Variants in MSI2 observed in about 807,000 individuals in gnomAD.
The protein encoded by MSI2 is RNA-binding protein Musashi homolog 2.
Under a neutral mutation model 45.6 loss-of-function variants are expected in MSI2, and 17 were observed. The ratio of observed to expected loss-of-function variants is 0.37; its 90% CI spans 0.26 to 0.56. MSI2 has a LOEUF of 0.56. Among genes scored for constraint, MSI2 ranks in the 20% least tolerant of loss-of-function variants. The pLI is 0.77. For synonymous variants in MSI2, 156 were observed against 158.2 expected, an observed-to-expected ratio of 0.99 and a Z score of 0.11; for missense variants, 293 against 444.2, an observed-to-expected ratio of 0.66 and a Z score of 3.06.
intron 5 of MSI2, among the ~76,000 whole-genome samples, chr17:57,297,127 C>A (rs1911032842): frequency 6.6e-6 from 1 of 151,772 alleles, no homozygotes; most frequent in South Asian, 2.1e-4. Context: ...CCCGCCTTGG[C>A]CTCCCAAAGT....
chr17:57,551,554 G>A (rs1462875359), intron 7 of MSI2, among the ~76,000 whole-genome samples: 1 of 152,132 alleles, frequency 6.6e-6, no homozygotes, highest in African/African-American at 2.4e-5. Flanking sequence ...GCTGCATGAC[G>A]TCTGCCGAGC....
chr17:57,533,530 C>T (rs559445514), intron 7 of MSI2, among the ~76,000 whole-genome samples: 1 of 152,310 alleles, frequency 6.6e-6, no homozygotes, highest in Non-Finnish European at 1.5e-5. Context: ...ATGTTTCTGG[C>T]CTTTAGCTTT....
chr17:57,698,895 G>A, the MSI2 span, among the ~76,000 whole-genome samples: 5 of 14,680 alleles, frequency 3.4e-4, no homozygotes, highest in African/African-American at 8.5e-4. Context: ...ACAAGGAAGT[G>A]TGTGTGTGTG....
intron 9 of MSI2, among the ~76,000 whole-genome samples, chr17:57,625,014 A>G (rs1480560670): frequency 6.6e-6 from 1 of 152,116 alleles, no homozygotes; most frequent in African/African-American, 2.4e-5. Context: ...GCTTCCTCAT[A>G]GATGGCCCCT....
chr17:57,493,266 C>T (rs2085912288), intron 6 of MSI2, among the ~76,000 whole-genome samples: 1 of 152,152 alleles, frequency 6.6e-6, no homozygotes, highest in African/African-American at 2.4e-5. Context: ...ATGTCCTTTG[C>T]ATTGTCCGAA....
At chr17:57,374,709 G>A (rs1289059362) in intron 5 of MSI2, among the ~76,000 whole-genome samples, 2 of 152,176 alleles carry the variant, frequency 1.3e-5, no homozygotes, top group Non-Finnish European at 2.9e-5. Flanking sequence ...AACCCAGGAG[G>A]CAGAGGTTGC....
chr17:57,390,702 G>A (rs143975056), intron 5 of MSI2, among the ~76,000 whole-genome samples: 2 of 152,164 alleles, frequency 1.3e-5, no homozygotes, highest in Non-Finnish European at 2.9e-5. Context: ...TTATACACTC[G>A]CTCCTAAGAA....
chr17:57,443,403 C>T (rs1262741552), intron 6 of MSI2, among the ~76,000 whole-genome samples: 1 of 152,216 alleles, frequency 6.6e-6, no homozygotes, highest in Non-Finnish European at 1.5e-5. Context: ...GCACACGTGG[C>T]ACCGGCAGGA....
intron 10 of MSI2, among the ~76,000 whole-genome samples, chr17:57,645,827 T>C (rs8079116): frequency 0.7 from 106,047 of 151,994 alleles, 38,002 homozygotes; most frequent in African/African-American, 0.85. Flanking sequence ...GTTAAAGCTT[T>C]CCAGGTGGGT....
chr17:57,591,505 T>A (rs1904821804), intron 7 of MSI2, among the ~76,000 whole-genome samples: 1 of 150,948 alleles, frequency 6.6e-6, no homozygotes, highest in Non-Finnish European at 1.5e-5. Flanking sequence ...GGAGGATCGC[T>A]TGAGCCCAGG....
chr17:57,643,294 T>C (rs1910391157), intron 10 of MSI2, among the ~76,000 whole-genome samples: 1 of 152,184 alleles, frequency 6.6e-6, no homozygotes, highest in Non-Finnish European at 1.5e-5. Flanking sequence ...GAGCTCTCCC[T>C]CCGCAGCCCA....
chr17:57,515,516 C>T (rs1403164223), intron 6 of MSI2, among the ~76,000 whole-genome samples: 1 of 152,062 alleles, frequency 6.6e-6, no homozygotes, highest in Non-Finnish European at 1.5e-5. Flanking sequence ...TATCTGAATT[C>T]TTTTCTTTAT....
intron 11 of MSI2, among the ~76,000 whole-genome samples, chr17:57,663,984 C>T (rs1194408873): frequency 1.3e-5 from 2 of 151,338 alleles, no homozygotes; most frequent in Non-Finnish European, 2.9e-5. Context: ...GTTGATTACT[C>T]CAGTGAGGAT....
chr17:57,345,454 T>C (rs1472431297), intron 5 of MSI2, among the ~76,000 whole-genome samples: 1 of 152,228 alleles, frequency 6.6e-6, no homozygotes, highest in African/African-American at 2.4e-5. Flanking sequence ...TAAACAGATA[T>C]ATGTATATTT....
chr17:57,374,221 G>C (rs1375063528), intron 5 of MSI2, among the ~76,000 whole-genome samples: 1 of 152,190 alleles, frequency 6.6e-6, no homozygotes, highest in Non-Finnish European at 1.5e-5. Context: ...ACTGTTTTAG[G>C]ATATATCATT....
chr17:57,429,866 G>A (rs1273629126), intron 6 of MSI2, among the ~76,000 whole-genome samples: 5 of 152,202 alleles, frequency 3.3e-5, no homozygotes, highest in Non-Finnish European at 7.3e-5. Context: ...TCACACTGGT[G>A]ATGAACGTGG....
chr17:57,550,260 A>G (rs965132363), intron 7 of MSI2, among the ~76,000 whole-genome samples: 1 of 152,206 alleles, frequency 6.6e-6, no homozygotes, highest in Non-Finnish European at 1.5e-5. Flanking sequence ...GTGGTTGTCA[A>G]GGCCTTACGG....
chr17:57,292,058 G>C (rs1910466857), intron 5 of MSI2, among the ~76,000 whole-genome samples: 1 of 152,066 alleles, frequency 6.6e-6, no homozygotes, highest in Non-Finnish European at 1.5e-5. Context: ...AGGAGGGCTA[G>C]TGGGCGAGAC....
chr17:57,583,516 G>T (rs1012110630), intron 7 of MSI2, among the ~76,000 whole-genome samples: 13 of 93,910 alleles, frequency 1.4e-4, no homozygotes, highest in Middle Eastern at 7.9e-3. Flanking sequence ...TTGAGACAGG[G>T]TCTCACTCTG....
Sources: allele counts gnomAD v4.1 joint callset (sites outside exome capture counted in the v4.1 genomes callset), GRCh38; gene constraint gnomAD v4.1.1; transcripts MANE v1.5; gene names NCBI Gene and HGNC (gene_info 2026-07-23, HGNC 2026-07-21).